Variants in TNFRSF13B observed in about 807,000 individuals in gnomAD.
TNFRSF13B encodes TNF receptor superfamily member 13B, also known as tumor necrosis factor receptor superfamily member 13B.
A neutral mutation model predicts 24.0 loss-of-function variants in TNFRSF13B; 34 were observed. The ratio of observed to expected loss-of-function variants is 1.41; its 90% CI spans 1.08 to 1.88. TNFRSF13B has a LOEUF of 1.88. Ranked by LOEUF, TNFRSF13B falls within the 40% of genes most tolerant of loss-of-function variation. TNFRSF13B has a pLI of 0.00. For synonymous variants in TNFRSF13B, 173 were observed against 150.3 expected, an observed-to-expected ratio of 1.15 and a Z score of -1.10; for missense variants, 415 against 380.8, an observed-to-expected ratio of 1.09 and a Z score of -0.75.
At chr17:16,952,937 C>G (rs949629273) in intron 1 of TNFRSF13B, among the ~76,000 whole-genome samples, 6 of 152,184 alleles carry the variant, frequency 3.9e-5, no homozygotes, top group African/African-American at 1.4e-4. Context: ...ACATGACGTG[C>G]CCTTCTCCCC....
rs915883342 is a variant in TNFRSF13B, at chr17:16,945,153, G to A, written c.445+3585C>T. On this transcript the variant is annotated intron_variant, in intron 3 of 4. Coordinates refer to ENST00000261652, the MANE Select transcript of TNFRSF13B (RefSeq NM_012452.3). The stretch of plus-strand genomic sequence containing the variant: ...CCAAAAGCCGCGCCATGGCACAAGT[G>A]TGGCAGCTGATGTAGGGTGAGGCAT... Among the ~76,000 whole-genome samples the A allele has an allele frequency of 2.0e-4, 31 of 152,248 alleles. 2 individuals carry two copies. The highest frequency in any genetic ancestry group is 7.2e-5 in the African/African-American group (3 of 41,456).
chr17:16,940,020 G>A, intron 4 of TNFRSF13B: 3 of 947,220 alleles, frequency 3.2e-6, no homozygotes, highest in Non-Finnish European at 3.0e-6. Context: ...CCAGCACCGA[G>A]CCTGCCACGC....
chr17:16,949,811 G>A (rs1003046545), intron 2 of TNFRSF13B, among the ~76,000 whole-genome samples: 3 of 151,222 alleles, frequency 2.0e-5, no homozygotes, highest in Non-Finnish European at 2.9e-5. Context: ...TCAGCCTCCC[G>A]AGTAGCTGGG....
At chr17:16,966,458 T>C (rs1219703850) in intron 1 of TNFRSF13B, among the ~76,000 whole-genome samples, 1 of 152,140 alleles carries the variant, frequency 6.6e-6, no homozygotes, top group Non-Finnish European at 1.5e-5. Flanking sequence ...CAGTTCACAG[T>C]CAGGGAAATA....
At chr17:16,964,400 T>A (rs992697538) in intron 1 of TNFRSF13B, among the ~76,000 whole-genome samples, 8 of 140,788 alleles carry the variant, frequency 5.7e-5, no homozygotes, top group African/African-American at 2.1e-4. Context: ...TGGAGTGCAG[T>A]GGTGAGATCT....
Position 16,940,773 on chromosome 17 carries a change from G to A in TNFRSF13B, c.446-262C>T, listed in dbSNP as rs939513327. 14 of 1,399,054 alleles carry A rather than the reference G, an allele frequency of 1.0e-5. No homozygotes were observed. In the African/African-American group the frequency reaches 1.7e-4, roughly 17 times the overall value. 86.7% of individuals were successfully genotyped at this position (1,399,054 alleles called of 1,614,324 possible). A position where few individuals can be genotyped will look rare whatever the true frequency, so the allele number is the denominator to read the frequency against. On this transcript the variant is annotated intron_variant, in intron 3 of 4. Coordinates refer to ENST00000261652, the MANE Select transcript of TNFRSF13B (RefSeq NM_012452.3). ...GCCTTCTTGTTGTCTCCACTTGCTA[G>A]GGCTGTAATTGGGACAGCGCTGGAG...
At chr17:16,967,193 G>A (rs2087707722) in intron 1 of TNFRSF13B, among the ~76,000 whole-genome samples, 1 of 152,028 alleles carries the variant, frequency 6.6e-6, no homozygotes. Context: ...ACATCCATCA[G>A]CAGGGAATTG....
rs1555548464 is a variant in TNFRSF13B at position 16,939,701 on chromosome 17, T to C, written c.728A>G (p.Glu243Gly). The C allele has an allele frequency of 1.9e-6, 3 of 1,607,500 alleles. No individual in the cohort carries two copies. Among genetic ancestry groups the C allele is most frequent in the South Asian group, 1.1e-5 (1 of 90,502 alleles). Reference protein sequence around the residue: ...CFPECRAPTQESAVTPGTPDP... With the variant: ...CFPECRAPTQGSAVTPGTPDP... ...GGGGGTCCCAGGCGTGACTGCGCTC[T>C]CCTGCGTGGGCGCCCTGCACTCAGG... The change falls in exon 5 of 5, where the codon GAG (glutamate) becomes GGG (glycine). Residue 243 changes from glutamate to glycine, a missense_variant. Transcript: ENST00000261652.
intron 1 of TNFRSF13B, among the ~76,000 whole-genome samples, chr17:16,958,337 A>C (rs1043955254): frequency 2.6e-5 from 4 of 152,172 alleles, no homozygotes; most frequent in African/African-American, 9.6e-5. Context: ...GACATACATA[A>C]AACAAATATA....
intron 1 of TNFRSF13B, 145 bp downstream of exon 1, chr17:16,971,864 TGTGCAG>T (rs1227117162): frequency 1.3e-6 from 1 of 769,794 alleles, no homozygotes; most frequent in East Asian, 2.6e-5. Flanking sequence ...GGGCTCTCCA[TGTGCAG>T]GAGCTTGGGG....
At chr17:16,949,019 A>G in intron 2 of TNFRSF13B, 36 bp from the exon 3 acceptor site, 1 of 1,613,652 alleles carries the variant, frequency 6.2e-7, no homozygotes, top group South Asian at 1.1e-5. Flanking sequence ...GCTGGGTGAC[A>G]CAGACTAGCA....
At chr17:16,965,817 A>C (rs1172682512) in intron 1 of TNFRSF13B, among the ~76,000 whole-genome samples, 1 of 152,264 alleles carries the variant, frequency 6.6e-6, no homozygotes, top group Non-Finnish European at 1.5e-5. Flanking sequence ...GAAAAGAATA[A>C]AAACATGTAA....
At chr17:16,940,248 G>A in intron 4 of TNFRSF13B, 78 bp downstream of exon 4, 1 of 1,611,182 alleles carries the variant, frequency 6.2e-7, no homozygotes, top group South Asian at 1.1e-5. Context: ...AGCAGGGGCA[G>A]TGACAGGACC....
chr17:16,954,336 A>G (rs1232600183), intron 1 of TNFRSF13B, among the ~76,000 whole-genome samples: 1 of 152,162 alleles, frequency 6.6e-6, no homozygotes, highest in African/African-American at 2.4e-5. Context: ...GTGAGCTATG[A>G]CCACATCACT....
At chr17:16,971,064 C>T (rs117020797) in intron 1 of TNFRSF13B, among the ~76,000 whole-genome samples, 1,628 of 152,222 alleles carry the variant, frequency 0.011, 68 homozygotes, top group East Asian at 0.076. Context: ...AAATGCTATA[C>T]GGGCCGGGTG....
intron 2 of TNFRSF13B, among the ~76,000 whole-genome samples, chr17:16,949,238 ATTATC>A (rs1440976022): frequency 2.0e-5 from 3 of 152,082 alleles, no homozygotes; most frequent in Non-Finnish European, 4.4e-5. Flanking sequence ...ATTTTTCATT[ATTATC>A]TTTTCTTTGA....
At chr17:16,969,226 G>C (rs190302791) in intron 1 of TNFRSF13B, among the ~76,000 whole-genome samples, 1 of 152,184 alleles carries the variant, frequency 6.6e-6, no homozygotes, top group Non-Finnish European at 1.5e-5. Context: ...ATGAAGACAT[G>C]TTCACCCAAA....
chr17:16,957,609 G>A (rs1044445403), intron 1 of TNFRSF13B, among the ~76,000 whole-genome samples: 16 of 152,138 alleles, frequency 1.1e-4, no homozygotes, highest in Non-Finnish European at 1.8e-4. Flanking sequence ...CAAGAGAGAA[G>A]CAACTTCTTG....
At position 16,952,555 on chromosome 17, in the gene TNFRSF13B, A is replaced by G. The variant is rs1236081203; in HGVS notation, c.90T>C (p.Ala30=). ...RFPQGLWTGV[A]MRSCPEEQYW... Reference sequence around the variant, plus strand: ...ACTGCTCTTCGGGGCAGGATCTCATAGCCACCCCCGTCCACAGGCCCTGTG... The same window carrying G: ...ACTGCTCTTCGGGGCAGGATCTCATGGCCACCCCCGTCCACAGGCCCTGTG... The change falls in exon 2 of 5, where the codon GCT becomes GCC. Residue 30 remains alanine (A), a synonymous_variant. Transcript: ENST00000261652. 6.2e-7 allele frequency: 1 copy of G among 1,614,220 alleles called. No individual in the cohort carries two copies. The highest frequency in any genetic ancestry group is 1.1e-5 in the South Asian group (1 of 91,082).
Sources: allele counts gnomAD v4.1 joint callset (sites outside exome capture counted in the v4.1 genomes callset), GRCh38; gene constraint gnomAD v4.1.1; transcripts MANE v1.5; gene names NCBI Gene and HGNC (gene_info 2026-07-23, HGNC 2026-07-21).